CHST11: variants seen among roughly 807,000 people sequenced by gnomAD.
The protein encoded by CHST11 is C4S-1.
Under a neutral mutation model 30.4 loss-of-function variants are expected in CHST11, and 9 were observed. That is an observed-to-expected ratio of 0.30 (90% CI 0.18 to 0.52). CHST11 has a LOEUF of 0.52. CHST11 is among the 20% of genes least tolerant of loss of function. CHST11 has a pLI of 0.97. For missense variants in CHST11, 348 were observed against 460.6 expected (o/e 0.76, Z 2.24); for synonymous variants, 152 against 187.8 (o/e 0.81, Z 1.56).
At chr12:104,745,054 A>G (rs1592871348) in intron 2 of CHST11, among the ~76,000 whole-genome samples, 2 of 152,108 alleles carry the variant, frequency 1.3e-5, no homozygotes, top group Middle Eastern at 6.8e-3. Context: ...TTGTATTTTT[A>G]GTAAAGACCG....
intron 2 of CHST11, among the ~76,000 whole-genome samples, chr12:104,713,015 T>C (rs77983268): frequency 0.017 from 2,614 of 151,200 alleles, 70 homozygotes; most frequent in Admixed American, 0.086. Flanking sequence ...GAAAATGCAC[T>C]CATTAAACAA....
chr12:104,637,824 C>G (rs2039339937), intron 2 of CHST11, among the ~76,000 whole-genome samples: 1 of 152,242 alleles, frequency 6.6e-6, no homozygotes, highest in East Asian at 1.9e-4. Context: ...CAGCAGGACT[C>G]AGCAAAATGA....
intron 1 of CHST11, chr12:104,514,225 CA>C: frequency 1.1e-6 from 1 of 882,264 alleles, no homozygotes; most frequent in Non-Finnish European, 1.9e-6. Context: ...ATTGACACAG[CA>C]GCCAAGTTTA....
chr12:104,700,022 T>A (rs2039978446), intron 2 of CHST11, among the ~76,000 whole-genome samples: 1 of 152,272 alleles, frequency 6.6e-6, no homozygotes, highest in South Asian at 2.1e-4. Context: ...ACAGGACTAC[T>A]ATAATTATTC....
chr12:104,719,476 C>T (rs969992061), intron 2 of CHST11, among the ~76,000 whole-genome samples: 2 of 152,216 alleles, frequency 1.3e-5, no homozygotes, highest in East Asian at 1.9e-4. Flanking sequence ...CACAGGTGCA[C>T]GCACACAGGG....
At chr12:104,649,341 T>C (rs1592816463) in intron 2 of CHST11, among the ~76,000 whole-genome samples, 1 of 152,290 alleles carries the variant, frequency 6.6e-6, no homozygotes, top group East Asian at 1.9e-4. Flanking sequence ...GTCTTTTCCA[T>C]GTACAGGGCA....
chr12:104,585,549 C>T (rs1213228326), intron 1 of CHST11, among the ~76,000 whole-genome samples: 2 of 152,120 alleles, frequency 1.3e-5, no homozygotes, highest in Non-Finnish European at 2.9e-5. Flanking sequence ...TTATTCAGTC[C>T]CCACAACAAC....
chr12:104,502,913 A>C (rs2037866048), intron 1 of CHST11, among the ~76,000 whole-genome samples: 1 of 152,166 alleles, frequency 6.6e-6, no homozygotes, highest in Non-Finnish European at 1.5e-5. Context: ...AATCGCCTGG[A>C]GTTCTGGTTA....
intron 2 of CHST11, among the ~76,000 whole-genome samples, chr12:104,638,848 G>A (rs1024221069): frequency 6.6e-6 from 1 of 152,154 alleles, no homozygotes; most frequent in Non-Finnish European, 1.5e-5. Flanking sequence ...CTGCTTCCTA[G>A]AACTCGAAAG....
At chr12:104,704,178 C>T (rs534114325) in intron 2 of CHST11, among the ~76,000 whole-genome samples, 1 of 152,288 alleles carries the variant, frequency 6.6e-6, no homozygotes, top group African/African-American at 2.4e-5. Flanking sequence ...GGTGACAGCC[C>T]GTCACTTCGA....
intron 1 of CHST11, among the ~76,000 whole-genome samples, chr12:104,584,977 C>T (rs1380679556): frequency 6.6e-6 from 1 of 152,152 alleles, no homozygotes; most frequent in East Asian, 1.9e-4. Flanking sequence ...TCAGTGTTCT[C>T]TCTGTTGGCA....
intron 1 of CHST11, among the ~76,000 whole-genome samples, chr12:104,544,478 G>T (rs1027142923): frequency 1.3e-5 from 2 of 151,910 alleles, no homozygotes; most frequent in South Asian, 4.2e-4. Flanking sequence ...GCACTTTGGC[G>T]GGGGGATCAC....
chr12:104,492,913 A>T (rs2037761360), intron 1 of CHST11, among the ~76,000 whole-genome samples: 1 of 152,054 alleles, frequency 6.6e-6, no homozygotes, highest in African/African-American at 2.4e-5. Flanking sequence ...TCCACCTGTA[A>T]TCCTAGCTAC....
Position 104,697,208 on chromosome 12 carries a change from A to C in CHST11, c.205-59741A>C, listed in dbSNP as rs117258480. 9.8e-5 allele frequency among the ~76,000 whole-genome samples: 15 copies of C among 152,316 alleles called. No homozygotes were observed. The East Asian group carries it at 2.9e-3, about 29-fold the overall frequency. ...GTCCTCCTCACTGCTTCGTGTTGAC[A>C]TATTGTGATAGTTAATTTTTTGTGA... On this transcript the variant is annotated intron_variant, in intron 2 of 2. Transcript: ENST00000303694.
Position 104,546,525 on chromosome 12 carries a change from G to A in CHST11, c.119-55381G>A, listed in dbSNP as rs1247085277. Among the ~76,000 whole-genome samples the A allele has an allele frequency of 2.6e-5, 4 of 152,058 alleles. No individual in the cohort carries two copies. In the East Asian group the frequency reaches 7.7e-4, roughly 29 times the overall value. On this transcript the variant is annotated intron_variant, in intron 1 of 2. Transcript: ENST00000303694. ...GTTTTTCTTAGCTAGCATAATAAGG[G>A]ATAGTCTGAGCAACTCAGACTGCCT...
At position 104,457,281 on chromosome 12, in the gene CHST11, C is replaced by A; in HGVS notation, c.-131C>A. 1 of 620,872 alleles carries A rather than the reference C, an allele frequency of 1.6e-6. No homozygotes were observed. The highest frequency in any genetic ancestry group is 2.8e-6 in the Non-Finnish European group (1 of 354,010). The allele number at this position is 620,872 out of a possible 1,614,324, so 38.5% of individuals were successfully genotyped here. ...TCCGAGAGCGGCCGCGAAGCGACTC[C>A]GATCCTCCCTCTGAGCCTTGCTCAG... is the stretch of plus-strand genomic sequence containing the variant. On this transcript the variant is annotated 5_prime_UTR_variant, in exon 1 of 3. Coordinates refer to ENST00000303694, the MANE Select transcript of CHST11 (RefSeq NM_018413.6).
At chr12:104,658,660 C>T (rs1311648331) in intron 2 of CHST11, among the ~76,000 whole-genome samples, 1 of 152,152 alleles carries the variant, frequency 6.6e-6, no homozygotes, top group Non-Finnish European at 1.5e-5. Flanking sequence ...TGGCTTTTCT[C>T]CTACCTTCTG....
intron 2 of CHST11, among the ~76,000 whole-genome samples, chr12:104,696,482 C>CAAAAAAATAAAA (rs2039946527): frequency 1.4e-5 from 1 of 69,140 alleles, no homozygotes; most frequent in Non-Finnish European, 2.5e-5. Flanking sequence ...GCTAAAAATA[C>CAAAAAAATAAAA]AAAAAAAAAA....
chr12:104,644,733 T>G (rs924203297), intron 2 of CHST11, among the ~76,000 whole-genome samples: 6 of 152,048 alleles, frequency 3.9e-5, no homozygotes, highest in African/African-American at 1.4e-4. Flanking sequence ...GACTGACCAG[T>G]GTAGGTAGGG....
Sources: gnomAD v4.1 joint callset for allele counts (sites outside exome capture counted in the v4.1 genomes callset) on GRCh38, gnomAD v4.1.1 for gene constraint, MANE v1.5 for transcripts, NCBI Gene and HGNC (gene_info 2026-07-23, HGNC 2026-07-21) for gene names.